ATP10B: variants seen among roughly 807,000 people sequenced by gnomAD.
ATP10B encodes phospholipid-transporting ATPase VB.
In ATP10B, 122 loss-of-function variants were observed where a neutral mutation model predicts 141.2. That is an observed-to-expected ratio of 0.86 (90% CI 0.75 to 1.00). The LOEUF is 1.00. Ranked by LOEUF, ATP10B falls within the 50% of genes least tolerant of loss-of-function variation. The probability of loss-of-function intolerance (pLI) is 0.00; values close to 1 mark genes in which losing one functional copy is unlikely to be tolerated. For missense variants in ATP10B, 1,876 were observed against 1,825.3 expected, an observed-to-expected ratio of 1.03 and a Z score of -0.51; for synonymous variants, 685 against 692.0, an observed-to-expected ratio of 0.99 and a Z score of 0.16.
chr5:160,887,659 A>G, the ATP10B span, among the ~76,000 whole-genome samples: 1 of 152,138 alleles, frequency 6.6e-6, no homozygotes. Flanking sequence ...TTCTCCAGCT[A>G]CGTTGACCTC....
At chr5:160,914,211 C>A in the ATP10B span, among the ~76,000 whole-genome samples, 1 of 152,094 alleles carries the variant, frequency 6.6e-6, no homozygotes, top group Admixed American at 6.5e-5. Flanking sequence ...ATTTGTTAAA[C>A]TAAGCTTTCT....
intron 2 of ATP10B, among the ~76,000 whole-genome samples, chr5:160,736,362 G>A (rs1050521466): frequency 3.3e-5 from 5 of 152,176 alleles, no homozygotes; most frequent in Non-Finnish European, 5.9e-5. Context: ...AAATCTAGAG[G>A]AAATGAGCAA....
At chr5:160,797,358 A>G (rs1772021615) in intron 1 of ATP10B, among the ~76,000 whole-genome samples, 1 of 152,184 alleles carries the variant, frequency 6.6e-6, no homozygotes, top group African/African-American at 2.4e-5. Flanking sequence ...TTGCAAGTTT[A>G]TCCCCACCTG....
At chr5:160,921,644 T>C in the ATP10B span, among the ~76,000 whole-genome samples, 1 of 152,366 alleles carries the variant, frequency 6.6e-6, no homozygotes, top group African/African-American at 2.4e-5. Flanking sequence ...CATTGTCCCA[T>C]TAAAGTAGTC....
At chr5:160,766,337 AACACACACACACACACACAC>A (rs58890049) in intron 2 of ATP10B, among the ~76,000 whole-genome samples, 8 of 140,296 alleles carry the variant, frequency 5.7e-5, no homozygotes, top group Admixed American at 1.4e-4. Flanking sequence ...GGATAAAGAG[AACACACACACACACACACAC>A]ACACACACAC....
At chr5:160,718,184 C>T (rs185312908) in intron 2 of ATP10B, among the ~76,000 whole-genome samples, 138 of 152,308 alleles carry the variant, frequency 9.1e-4, no homozygotes, top group African/African-American at 3.2e-3. Flanking sequence ...GAATTGGATG[C>T]GTACACTGAC....
rs1261828801 is a variant in ATP10B, at chr5:160,814,833, A to G, written c.-575-29030T>C. ...AGAAGAGAGTGGGGGCCAATATTCAACATTCTTAAAGAAAAGATTTTTTAA... is the reference window on the plus strand; with the variant it reads ...AGAAGAGAGTGGGGGCCAATATTCAGCATTCTTAAAGAAAAGATTTTTTAA... On this transcript the variant is annotated intron_variant, in intron 1 of 25. Transcript: ENST00000327245. 3.3e-5 allele frequency among the ~76,000 whole-genome samples: 5 copies of G among 152,354 alleles called. No individual in the cohort carries two copies. The East Asian group carries it at 9.6e-4, about 29-fold the overall frequency.
intron 18 of ATP10B, among the ~76,000 whole-genome samples, chr5:160,608,513 C>T (rs1757530808): frequency 6.6e-6 from 1 of 152,170 alleles, no homozygotes; most frequent in African/African-American, 2.4e-5. Flanking sequence ...GCACTGTCTT[C>T]CACAATGGTT....
intron 1 of ATP10B, among the ~76,000 whole-genome samples, chr5:160,850,422 TCAAAA>T (rs1037342229): frequency 1.3e-5 from 2 of 152,046 alleles, no homozygotes; most frequent in Middle Eastern, 3.4e-3. Context: ...AGACTCCATC[TCAAAA>T]CAAAACAAAA....
At chr5:160,624,301 T>C (rs1483446273) in intron 13 of ATP10B, among the ~76,000 whole-genome samples, 1 of 152,214 alleles carries the variant, frequency 6.6e-6, no homozygotes, top group East Asian at 1.9e-4. Flanking sequence ...CTAGGGCTGC[T>C]GGCACAGGAG....
chr5:160,694,271 C>T (rs17058147), intron 3 of ATP10B, among the ~76,000 whole-genome samples: 37,968 of 152,044 alleles, frequency 0.25, 5,862 homozygotes, highest in East Asian at 0.69. Context: ...TTATTGCTGC[C>T]TGCAGAAAGT....
chr5:160,622,472 G>T lies in ATP10B; in HGVS notation c.1734C>A (p.Ser578=), dbSNP rs1033246223. ...AGGCAAGGAAGAAATCAGCAATGGA[G>T]GAGGTGGTGGAGAGGGAAGCCTTGG... ...RPAKASLSTT[S]SIADFFLALT... is the part of the protein sequence containing the mutation. Residue 578 remains serine, a synonymous_variant, in exon 14 of 26, where the codon TCC becomes TCA. Transcript: ENST00000327245. 1.9e-6 allele frequency: 3 copies of T among 1,614,146 alleles called. 1 individual carries two copies. Among genetic ancestry groups the T allele is most frequent in the South Asian group, 2.2e-5 (2 of 91,064 alleles).
chr5:160,913,748 G>A, the ATP10B span, among the ~76,000 whole-genome samples: 1 of 152,124 alleles, frequency 6.6e-6, no homozygotes, highest in Non-Finnish European at 1.5e-5. Context: ...ACCTCGCACT[G>A]ATAACAATGA....
intron 1 of ATP10B, among the ~76,000 whole-genome samples, chr5:160,830,439 T>C (rs1774979398): frequency 6.6e-6 from 1 of 152,126 alleles, no homozygotes; most frequent in Admixed American, 6.6e-5. Flanking sequence ...ATGTTTTCTG[T>C]ATATGGCAAA....
At chr5:160,632,631 T>C (rs997736304) in intron 12 of ATP10B, 2 of 325,912 alleles carry the variant, frequency 6.1e-6, no homozygotes, top group East Asian at 4.8e-5. Context: ...TTTTTTTTTT[T>C]TTTTTTTTTT....
intron 1 of ATP10B, among the ~76,000 whole-genome samples, chr5:160,821,651 A>G (rs904515729): frequency 2.0e-5 from 3 of 152,120 alleles, no homozygotes; most frequent in Non-Finnish European, 4.4e-5. Context: ...TACCGGCATA[A>G]AAACAGACAC....
the ATP10B span, among the ~76,000 whole-genome samples, chr5:160,915,146 A>G: frequency 6.6e-6 from 1 of 152,174 alleles, no homozygotes; most frequent in African/African-American, 2.4e-5. Context: ...TTTTCAAATC[A>G]TATTAAATTA....
chr5:160,794,505 GAGAAGAT>G lies in ATP10B; in HGVS notation c.-575-8709_-575-8703del, dbSNP rs555003245. ...TAGGGATTTAGAATTTAGAAAACAG[GAGAAGAT>G]AGAAGTTCTTTGATTTGTCATCACT... On this transcript the variant is annotated intron_variant, in intron 1 of 25. Coordinates refer to ENST00000327245, the MANE Select transcript of ATP10B (RefSeq NM_025153.3). Among the ~76,000 whole-genome samples the G allele has an allele frequency of 2.6e-3, 394 of 152,304 alleles. 1 individual carries two copies. The highest frequency in any genetic ancestry group is 0.01 in the Middle Eastern group (3 of 292).
the ATP10B span, among the ~76,000 whole-genome samples, chr5:160,929,180 G>T: frequency 6.6e-6 from 1 of 152,160 alleles, no homozygotes; most frequent in Non-Finnish European, 1.5e-5. Flanking sequence ...GAACTGAGAA[G>T]AAAAATCACC....
Sources: gnomAD v4.1 joint callset for allele counts (sites outside exome capture counted in the v4.1 genomes callset) on GRCh38, gnomAD v4.1.1 for gene constraint, MANE v1.5 for transcripts, NCBI Gene and HGNC (gene_info 2026-07-23, HGNC 2026-07-21) for gene names.